FKBP15: variants seen among roughly 807,000 people sequenced by gnomAD.
FKBP15 encodes the protein FK506-binding protein 15.
FKBP15 carries 106 observed loss-of-function variants against 158.1 expected under a neutral mutation model. The observed-to-expected ratio is 0.67, with a 90% CI of 0.57 to 0.79. The LOEUF (loss-of-function observed/expected upper bound fraction) is 0.79, where lower values mean the gene tolerates loss of function less well. Among genes scored for constraint, FKBP15 ranks in the 30% least tolerant of loss-of-function variants. FKBP15 has a pLI of 0.00. For synonymous variants in FKBP15, 547 were observed against 548.6 expected (o/e 1.00, Z 0.04); for missense variants, 1,287 against 1,479.1 (o/e 0.87, Z 2.13).
At chr9:113,183,682 T>C (rs1830438742) in intron 18 of FKBP15, 69 bp downstream of exon 18, 2 of 988,586 alleles carry the variant, frequency 2.0e-6, no homozygotes, top group East Asian at 2.4e-5. Context: ...CAAATACGTG[T>C]ACTTAAGCTG....
Position 113,171,605 on chromosome 9 carries a change from A to T in FKBP15, c.2634T>A (p.Ala878=), listed in dbSNP as rs1128118. ...KNKSQMSGVE[A]AASDPSEKVK... is the part of the protein sequence containing the mutation. ...CCTTCTCTGAGGGGTCAGATGCAGC[A>T]GCTTCAACCCCAGACATCTGGGACT... Residue 878 remains alanine (A), a synonymous_variant, in exon 24 of 28, where the codon GCT becomes GCA. Transcript: ENST00000238256. 1 of 1,606,932 alleles carries T rather than the reference A, an allele frequency of 6.2e-7. No individual in the cohort carries two copies. The highest frequency in any genetic ancestry group is 1.1e-5 in the South Asian group (1 of 89,378).
chr9:113,183,158 A>G (rs1408536909), intron 18 of FKBP15, among the ~76,000 whole-genome samples: 4 of 152,128 alleles, frequency 2.6e-5, no homozygotes, highest in Non-Finnish European at 5.9e-5. Flanking sequence ...AGGAGGCTAT[A>G]AGAAAGAGGG....
intron 2 of FKBP15, among the ~76,000 whole-genome samples, chr9:113,210,487 CAT>C (rs1830980206): frequency 6.6e-6 from 1 of 152,172 alleles, no homozygotes; most frequent in South Asian, 2.1e-4. Context: ...CAAGCGCCAC[CAT>C]GCCCAGCTAA....
chr9:113,178,481 T>C, intron 20 of FKBP15, 149 bp downstream of exon 20: 1 of 704,184 alleles, frequency 1.4e-6, no homozygotes, highest in Non-Finnish European at 2.3e-6. Flanking sequence ...AAAACAATCA[T>C]GTAGGTTTTA....
chr9:113,162,001 A>C lies in FKBP15; in HGVS notation c.*4077T>G. The C allele has an allele frequency of 4.4e-5, 20 of 456,242 alleles. No individual in the cohort carries two copies. Among genetic ancestry groups the C allele is most frequent in the East Asian group, 1.0e-4 (2 of 19,294 alleles). The allele number at this position is 456,242 out of a possible 1,614,324, so 28.3% of individuals were successfully genotyped here. ...GAGGTGGCCACCCACCCTCCCCCAA[A>C]TCTCACCAGTTCCATGGGTCACTAG... On this transcript the variant is annotated 3_prime_UTR_variant, in exon 28 of 28. Transcript: ENST00000238256.
chr9:113,216,811 T>C (rs1179415321), intron 1 of FKBP15, among the ~76,000 whole-genome samples: 1 of 152,132 alleles, frequency 6.6e-6, no homozygotes, highest in Non-Finnish European at 1.5e-5. Context: ...GAACTGTGTT[T>C]CCATAGATGT....
At chr9:113,190,388 A>G (rs998940697) in intron 12 of FKBP15, 83 bp downstream of exon 12, 10 of 1,153,998 alleles carry the variant, frequency 8.7e-6, no homozygotes, top group African/African-American at 1.5e-5. Context: ...GCCTTAGAGA[A>G]AAAACAATCA....
rs1830126280 is a variant in FKBP15 at position 113,168,085 on chromosome 9, T to C, written c.3582+375A>G. Among the ~76,000 whole-genome samples, 11 of 152,264 alleles carry C rather than the reference T, an allele frequency of 7.2e-5. No homozygotes were observed. In the South Asian group the frequency reaches 2.1e-3, roughly 29 times the overall value. ...CAGGTTTTTTATCTATGAATAAGGA[T>C]GCCAGGCAAGATGATCTTCAAAGTC... On this transcript the variant is annotated intron_variant, in intron 27 of 27. Transcript: ENST00000238256.
intron 20 of FKBP15, among the ~76,000 whole-genome samples, chr9:113,177,106 G>A (rs368424898): frequency 3.3e-5 from 5 of 152,154 alleles, no homozygotes; most frequent in South Asian, 4.1e-4. Flanking sequence ...CTCCACATAC[G>A]AAATGGAAAG....
At chr9:113,209,696 TAAGG>T (rs1446398200) in intron 2 of FKBP15, among the ~76,000 whole-genome samples, 2 of 152,224 alleles carry the variant, frequency 1.3e-5, no homozygotes, top group Non-Finnish European at 2.9e-5. Context: ...GCCAGCATGA[TAAGG>T]AAGGAAGTCT....
chr9:113,169,860 T>C lies in FKBP15; in HGVS notation c.2849A>G (p.Glu950Gly), dbSNP rs920031972. 28 of 1,550,842 alleles carry C rather than the reference T, an allele frequency of 1.8e-5. No homozygotes were observed. Among genetic ancestry groups the C allele is most frequent in the Non-Finnish European group, 2.4e-5 (27 of 1,147,192 alleles). The change falls in exon 26 of 28, where the codon GAG becomes GGG. Residue 950 changes from glutamate (E) to glycine (G), a missense_variant. By Grantham distance (98) the Glu-to-Gly change is moderately conservative (BLOSUM62 -2). Transcript: ENST00000238256. Reference protein sequence around the residue: ...SSEEEEEKAEERPRRPSQEQS... With the variant: ...SSEEEEEKAEGRPRRPSQEQS... Reference sequence around the variant, plus strand: ...CTCCTGGGAAGGTCTTCGTGGCCGCTCTTCTGCTTTTTCTTCTTCTTCTTC... The same window carrying C: ...CTCCTGGGAAGGTCTTCGTGGCCGCCCTTCTGCTTTTTCTTCTTCTTCTTC...
chr9:113,163,182 AG>A lies in FKBP15; in HGVS notation c.*2895del. 1 of 287,118 alleles carries A rather than the reference AG, an allele frequency of 3.5e-6. No homozygotes were observed. 17.8% of individuals were successfully genotyped at this position (287,118 alleles called of 1,614,324 possible). A position where few individuals can be genotyped will look rare whatever the true frequency, so the allele number is the denominator to read the frequency against. ...TGACCAAAGGGAGAATGGAGATAAC[AG>A]GGGTGGCAGGGTTACTGAGCCCATG... On this transcript the variant is annotated 3_prime_UTR_variant, in exon 28 of 28. Coordinates refer to ENST00000238256, the MANE Select transcript of FKBP15 (RefSeq NM_015258.2).
In FKBP15 at chr9:113,171,632, G is replaced by A. The variant is rs1231370100; in HGVS notation, c.2607C>T (p.Asn869=). ...NEQHIKELEK[N]KSQMSGVEAA... ...CTTCAACCCCAGACATCTGGGACTT[G>A]TTCTTCTCTAGTTCCTTGATGTGCT... is the stretch of plus-strand genomic sequence containing the variant. The change falls in exon 24 of 28, where the codon AAC becomes AAT. Residue 869 remains asparagine, a synonymous_variant. Coordinates refer to ENST00000238256, the MANE Select transcript of FKBP15 (RefSeq NM_015258.2). The A allele has an allele frequency of 1.2e-6, 2 of 1,605,464 alleles. No homozygotes were observed. Among genetic ancestry groups the A allele is most frequent in the Admixed American group, 1.7e-5 (1 of 58,778 alleles).
In FKBP15 at chr9:113,162,918, C is replaced by T. The variant is rs1128773; in HGVS notation, c.*3160G>A. On this transcript the variant is annotated 3_prime_UTR_variant, in exon 28 of 28. Transcript: ENST00000238256. The stretch of plus-strand genomic sequence containing the variant: ...TTACCCACTTCTCAGCACAGCTTAG[C>T]TGGTGAGGAACGTGCAGGCACTGAG... 2 of 1,605,032 alleles carry T rather than the reference C, an allele frequency of 1.2e-6. No homozygotes were observed. Among genetic ancestry groups the T allele is most frequent in the Admixed American group, 3.4e-5 (2 of 59,130 alleles).
chr9:113,202,924 C>T (rs774818756), intron 5 of FKBP15, 37 bp downstream of exon 5: 80 of 1,518,376 alleles, frequency 5.3e-5, no homozygotes, highest in African/African-American at 2.2e-4. Flanking sequence ...AAACCTATCC[C>T]GAAGGAGCTA....
In FKBP15 at chr9:113,207,394, C is replaced by A. The variant is rs921325554; in HGVS notation, c.170-98G>T. 3.6e-5 allele frequency: 32 copies of A among 898,194 alleles called. 1 individual carries two copies. The African/African-American group carries it at 5.4e-4, about 15-fold the overall frequency. 55.6% of individuals were successfully genotyped at this position (898,194 alleles called of 1,614,324 possible). A position where few individuals can be genotyped will look rare whatever the true frequency, so the allele number is the denominator to read the frequency against. Reference sequence around the variant, plus strand: ...TCACTTTGTCACCCAGGCTGGAGTGCAGTGGCGTGATCTCGGTTCACTGCA... The same window carrying A: ...TCACTTTGTCACCCAGGCTGGAGTGAAGTGGCGTGATCTCGGTTCACTGCA... On this transcript the variant is annotated intron_variant, in intron 2 of 27. Coordinates refer to ENST00000238256, the MANE Select transcript of FKBP15 (RefSeq NM_015258.2).
chr9:113,175,988 C>T (rs541670460), intron 21 of FKBP15, among the ~76,000 whole-genome samples: 1 of 152,244 alleles, frequency 6.6e-6, no homozygotes, highest in South Asian at 2.1e-4. Context: ...TCCCTTTGAT[C>T]CCATGATTCT....
intron 14 of FKBP15, 21 bp from the exon 15 acceptor site, chr9:113,186,384 C>T (rs1830487053): frequency 6.9e-7 from 1 of 1,456,260 alleles, no homozygotes; most frequent in Non-Finnish European, 9.4e-7. Context: ...GACGAGTTAC[C>T]ACTGGTTGAT....
At chr9:113,166,348 G>A (rs975960951) in intron 27 of FKBP15, among the ~76,000 whole-genome samples, 193 bp from the exon 28 acceptor site, 2 of 152,212 alleles carry the variant, frequency 1.3e-5, no homozygotes, top group African/African-American at 4.8e-5. Context: ...GAGAAGGGAG[G>A]CAGTCTTTCA....
Sources: gnomAD v4.1 joint callset for allele counts (sites outside exome capture counted in the v4.1 genomes callset) on GRCh38, gnomAD v4.1.1 for gene constraint, MANE v1.5 for transcripts, NCBI Gene and HGNC (gene_info 2026-07-23, HGNC 2026-07-21) for gene names.